The following TENM2 variants were observed in gnomAD, a reference collection of about 807,000 sequenced individuals.
TENM2 encodes the protein teneurin-2.
Under a neutral mutation model 245.2 loss-of-function variants are expected in TENM2, and 52 were observed. That is an observed-to-expected ratio of 0.21 (90% confidence interval 0.17 to 0.27). The LOEUF (loss-of-function observed/expected upper bound fraction) is 0.27, where lower values mean the gene tolerates loss of function less well. Among genes scored for constraint, TENM2 ranks in the 10% least tolerant of loss-of-function variants. The pLI, the probability that TENM2 is intolerant of heterozygous loss-of-function variation, is 1.00. For missense variants in TENM2, 3,046 were observed against 3,666.8 expected, an observed-to-expected ratio of 0.83 and a Z score of 4.37; for synonymous variants, 1,363 against 1,438.9, an observed-to-expected ratio of 0.95 and a Z score of 1.19.
intron 13 of TENM2, among the ~76,000 whole-genome samples, chr5:168,183,653 C>A (rs1296753124): frequency 1.3e-5 from 2 of 152,102 alleles, no homozygotes; most frequent in Non-Finnish European, 2.9e-5. Flanking sequence ...ATTGCTTCTT[C>A]CCTCCTTTTT....
chr5:167,574,645 G>A (rs894385095), intron 2 of TENM2, among the ~76,000 whole-genome samples: 32 of 152,270 alleles, frequency 2.1e-4, no homozygotes, highest in African/African-American at 7.0e-4. Flanking sequence ...TTGTAGAAAG[G>A]GATCTGGTAA....
the TENM2 span, among the ~76,000 whole-genome samples, chr5:167,058,399 AAT>A: frequency 6.6e-6 from 1 of 152,198 alleles, no homozygotes; most frequent in Non-Finnish European, 1.5e-5. Context: ...TGATAATTAA[AAT>A]ATGTTAATTA....
intron 2 of TENM2, among the ~76,000 whole-genome samples, chr5:167,701,920 A>G (rs1758167898): frequency 6.6e-6 from 1 of 152,200 alleles, no homozygotes. Context: ...ATGTCTCTTT[A>G]AATGTTATTT....
intron 2 of TENM2, among the ~76,000 whole-genome samples, chr5:167,578,174 C>G (rs1327041274): frequency 6.6e-6 from 1 of 152,086 alleles, no homozygotes; most frequent in Non-Finnish European, 1.5e-5. Flanking sequence ...ATATGGGGTC[C>G]CACCATACAA....
chr5:168,095,482 C>T lies in TENM2; in HGVS notation c.1712-2544C>T, dbSNP rs1389943917. ...CACCTGCATAGAGTAGAGAGGCCCT[C>T]CCTGAACATTCTCTTTAAGTAGCTT... On this transcript the variant is annotated intron_variant, in intron 8 of 28. Transcript: ENST00000518659. Among the ~76,000 whole-genome samples the T allele has an allele frequency of 2.6e-5, 4 of 152,218 alleles. No individual in the cohort carries two copies. The East Asian group carries it at 7.7e-4, about 29-fold the overall frequency.
the TENM2 span, among the ~76,000 whole-genome samples, chr5:167,228,977 G>C: frequency 6.6e-6 from 1 of 152,180 alleles, no homozygotes; most frequent in Middle Eastern, 3.2e-3. Context: ...TGGGATTACA[G>C]GCGTGAGCCA....
At chr5:167,284,850 G>T in exon 1 of TENM2, 1 of 1,551,098 alleles carries the variant, frequency 6.4e-7, no homozygotes, top group South Asian at 1.2e-5. Flanking sequence ...GGATGTAAAG[G>T]ACCGGCGACA....
intron 2 of TENM2, among the ~76,000 whole-genome samples, chr5:167,800,807 C>G (rs1765654766): frequency 6.6e-6 from 1 of 152,038 alleles, no homozygotes. Context: ...GATGTCCCTT[C>G]AATTATCCCA....
At chr5:167,048,970 A>G in the TENM2 span, among the ~76,000 whole-genome samples, 1 of 152,132 alleles carries the variant, frequency 6.6e-6, no homozygotes, top group Non-Finnish European at 1.5e-5. Flanking sequence ...GGTTCTCAGC[A>G]GGTACTGGGA....
intron 2 of TENM2, among the ~76,000 whole-genome samples, chr5:167,848,107 C>G (rs1770216745): frequency 6.6e-6 from 1 of 152,146 alleles, no homozygotes; most frequent in African/African-American, 2.4e-5. Flanking sequence ...AATAACAGAG[C>G]CCTGTGGTAC....
At chr5:167,531,123 G>T (rs575427697) in intron 2 of TENM2, among the ~76,000 whole-genome samples, 1 of 152,324 alleles carries the variant, frequency 6.6e-6, no homozygotes, top group East Asian at 1.9e-4. Flanking sequence ...GGCTGAAGCA[G>T]TGGCTTCCTG....
At chr5:168,118,061 T>C (rs578012462) in intron 9 of TENM2, among the ~76,000 whole-genome samples, 13 of 152,256 alleles carry the variant, frequency 8.5e-5, no homozygotes, top group African/African-American at 1.4e-4. Flanking sequence ...TAAAGCCTTC[T>C]TTCTATACCG....
At chr5:167,018,423 A>G in the TENM2 span, among the ~76,000 whole-genome samples, 1 of 151,996 alleles carries the variant, frequency 6.6e-6, no homozygotes, top group Non-Finnish European at 1.5e-5. Flanking sequence ...AAAAAAACAC[A>G]AAAAAACAAG....
chr5:167,314,394 TGAA>T (rs1429335497), intron 1 of TENM2, among the ~76,000 whole-genome samples: 24 of 152,274 alleles, frequency 1.6e-4, no homozygotes, highest in African/African-American at 5.5e-4. Context: ...CCAAAGTTAA[TGAA>T]GAGTTATTAT....
At chr5:168,224,050 T>C (rs1042816924) in intron 23 of TENM2, among the ~76,000 whole-genome samples, 7 of 152,340 alleles carry the variant, frequency 4.6e-5, no homozygotes, top group Middle Eastern at 3.4e-3. Flanking sequence ...AGGTTTCTAC[T>C]TTATGGATAG....
intron 1 of TENM2, among the ~76,000 whole-genome samples, chr5:167,309,150 T>C (rs2127750524): frequency 6.6e-6 from 1 of 152,164 alleles, no homozygotes; most frequent in Non-Finnish European, 1.5e-5. Flanking sequence ...CTCTAGGAAG[T>C]CTCCTATTTT....
At chr5:167,423,802 A>G (rs1561942796) in intron 2 of TENM2, among the ~76,000 whole-genome samples, 1 of 152,166 alleles carries the variant, frequency 6.6e-6, no homozygotes, top group Non-Finnish European at 1.5e-5. Flanking sequence ...GTGAAGTTCA[A>G]TATCAAGTGT....
In TENM2 at chr5:168,247,315, G is replaced by A. The variant is rs745794100; in HGVS notation, c.6376G>A (p.Val2126Met). ...CCGCTATGATGAGATTTCTGGCAAGGTGGAACACTTTGGTAAGTTTGGAGT... is the reference window on the plus strand; with the variant it reads ...CCGCTATGATGAGATTTCTGGCAAGATGGAACACTTTGGTAAGTTTGGAGT... Residue 2126 changes from valine (V) to methionine (M), a missense_variant, in exon 27 of 29, where the codon GTG becomes ATG. Transcript: ENST00000518659. The surrounding 1 kb of genome is among the most constrained non-coding windows in gnomAD (Gnocchi z 7.8). 6.2e-7 allele frequency: 1 copy of A among 1,613,976 alleles called. No homozygotes were observed. Among genetic ancestry groups the A allele is most frequent in the Non-Finnish European group, 8.5e-7 (1 of 1,179,900 alleles).
chr5:167,819,214 G>A (rs1767311567), intron 2 of TENM2, among the ~76,000 whole-genome samples: 1 of 152,070 alleles, frequency 6.6e-6, no homozygotes, highest in South Asian at 2.1e-4. Context: ...CCCCTGTCCG[G>A]GCTCTTTTCT....
Sources: gnomAD v4.1 joint callset for allele counts (sites outside exome capture counted in the v4.1 genomes callset) on GRCh38, gnomAD v4.1.1 for gene constraint, Gnocchi (gnomAD v3.1) non-coding constraint, MANE v1.5 for transcripts, NCBI Gene and HGNC (gene_info 2026-07-23, HGNC 2026-07-21) for gene names.